The following TECRL variants were observed in gnomAD, a reference collection of about 807,000 sequenced individuals.
The protein encoded by TECRL is trans-2,3-enoyl-CoA reductase-like.
In TECRL, 63 loss-of-function variants were observed where a neutral mutation model predicts 52.8. The ratio of observed to expected loss-of-function variants is 1.19; its 90% CI spans 0.97 to 1.47. The LOEUF (loss-of-function observed/expected upper bound fraction) is 1.47. Among genes scored for constraint, TECRL ranks in the 40% most tolerant of loss-of-function variants. The probability of loss-of-function intolerance (pLI) is 0.00; values close to 1 mark genes in which losing one functional copy is unlikely to be tolerated. For synonymous variants in TECRL, 164 were observed against 141.9 expected, an observed-to-expected ratio of 1.16 and a Z score of -1.10; for missense variants, 482 against 429.6, an observed-to-expected ratio of 1.12 and a Z score of -1.08.
chr4:64,334,043 A>AAAAAAAAAAAAAAAACAAAAAC (rs1560507040), intron 2 of TECRL, among the ~76,000 whole-genome samples: 1 of 143,678 alleles, frequency 7.0e-6, no homozygotes, highest in Non-Finnish European at 1.5e-5. Context: ...AAAAAAAAAA[A>AAAAAAAAAAAAAAAACAAAAAC]AAAAAAGAAA....
At chr4:64,309,146 A>G (rs573623415) in intron 6 of TECRL, among the ~76,000 whole-genome samples, 1 of 152,282 alleles carries the variant, frequency 6.6e-6, no homozygotes, top group African/African-American at 2.4e-5. Context: ...ATTTCAGTTT[A>G]CTGCTTTACT....
At chr4:64,307,219 T>A (rs1280014408) in intron 6 of TECRL, among the ~76,000 whole-genome samples, 1 of 152,130 alleles carries the variant, frequency 6.6e-6, no homozygotes, top group Non-Finnish European at 1.5e-5. Flanking sequence ...ACACCCCCCC[T>A]TCATTAATGT....
intron 5 of TECRL, among the ~76,000 whole-genome samples, chr4:64,312,053 C>CCT (rs1210399827): frequency 6.6e-6 from 1 of 152,078 alleles, no homozygotes; most frequent in Non-Finnish European, 1.5e-5. Flanking sequence ...GGGAGATGTA[C>CCT]CTTTAGTCCC....
intron 1 of TECRL, among the ~76,000 whole-genome samples, chr4:64,398,379 C>T (rs766094403): frequency 4.6e-5 from 7 of 152,122 alleles, no homozygotes; most frequent in African/African-American, 1.2e-4. Flanking sequence ...TCAGATTTCT[C>T]GTGAATGATT....
chr4:64,406,533 A>C (rs1724739832), intron 1 of TECRL, among the ~76,000 whole-genome samples: 1 of 151,960 alleles, frequency 6.6e-6, no homozygotes, highest in African/African-American at 2.4e-5. Context: ...TATTAAAAAT[A>C]AAATAATAAT....
intron 2 of TECRL, among the ~76,000 whole-genome samples, chr4:64,370,989 T>G (rs1478593615): frequency 6.6e-6 from 1 of 151,700 alleles, no homozygotes; most frequent in African/African-American, 2.4e-5. Context: ...TGAACCTCAT[T>G]CAATATTTTC....
At chr4:64,371,092 A>G (rs1015943521) in intron 2 of TECRL, among the ~76,000 whole-genome samples, 3 of 151,726 alleles carry the variant, frequency 2.0e-5, no homozygotes, top group African/African-American at 7.2e-5. Context: ...GTGGTCATCC[A>G]TTATAACTGA....
At chr4:64,299,748 A>G (rs1456125329) in intron 8 of TECRL, among the ~76,000 whole-genome samples, 2 of 150,994 alleles carry the variant, frequency 1.3e-5, no homozygotes, top group Admixed American at 1.3e-4. Flanking sequence ...TATTTCAAAT[A>G]ATTCTAATCA....
intron 1 of TECRL, among the ~76,000 whole-genome samples, chr4:64,400,790 T>A (rs1049804002): frequency 6.6e-6 from 1 of 152,108 alleles, no homozygotes; most frequent in Non-Finnish European, 1.5e-5. Context: ...CTGCAACAAT[T>A]GGAAACTTCC....
rs1724395552 is a variant in TECRL at position 64,307,267 on chromosome 4, A to G, written c.658-2029T>C. ...TTCAATTACTTCAAGGTATTTTCCA[A>G]GTTTCAAGTGGGAAGCTTTGGGTAT... On this transcript the variant is annotated intron_variant, in intron 6 of 11. Coordinates refer to ENST00000381210, the MANE Select transcript of TECRL (RefSeq NM_001010874.5). Among the ~76,000 whole-genome samples, 3 of 152,088 alleles carry G rather than the reference A, an allele frequency of 2.0e-5. 1 individual carries two copies. The highest frequency in any genetic ancestry group is 4.2e-4 in the South Asian group (2 of 4,818).
At chr4:64,354,518 T>G (rs1474486155) in intron 2 of TECRL, among the ~76,000 whole-genome samples, 4 of 152,070 alleles carry the variant, frequency 2.6e-5, no homozygotes, top group African/African-American at 9.7e-5. Context: ...AAGTAGATAA[T>G]CTTAAAGATA....
chr4:64,331,723 T>A (rs1175121625), intron 2 of TECRL, among the ~76,000 whole-genome samples: 2 of 152,124 alleles, frequency 1.3e-5, no homozygotes, highest in Non-Finnish European at 2.9e-5. Context: ...TTGTACCTTA[T>A]GATTAAAATG....
intron 2 of TECRL, among the ~76,000 whole-genome samples, chr4:64,355,609 G>A (rs1488490843): frequency 6.6e-6 from 1 of 151,452 alleles, no homozygotes; most frequent in Non-Finnish European, 1.5e-5. Flanking sequence ...CCATCCTGGC[G>A]AACACAGTGA....
chr4:64,338,231 G>A (rs1445834315), intron 2 of TECRL, among the ~76,000 whole-genome samples: 1 of 152,206 alleles, frequency 6.6e-6, no homozygotes, highest in Non-Finnish European at 1.5e-5. Context: ...CTAGCCATAT[G>A]TAGAAAGCTG....
chr4:64,304,461 A>C (rs1449113425), intron 7 of TECRL, among the ~76,000 whole-genome samples: 2 of 152,068 alleles, frequency 1.3e-5, no homozygotes, highest in Non-Finnish European at 2.9e-5. Flanking sequence ...TAAAGTTTGA[A>C]TATACCATTT....
At chr4:64,294,653 TA>T (rs1382698397) in intron 8 of TECRL, among the ~76,000 whole-genome samples, 1 of 152,144 alleles carries the variant, frequency 6.6e-6, no homozygotes, top group Non-Finnish European at 1.5e-5. Flanking sequence ...ACATATCTTC[TA>T]AAACTGGAAT....
At chr4:64,338,232 T>C (rs2110066797) in intron 2 of TECRL, among the ~76,000 whole-genome samples, 1 of 152,244 alleles carries the variant, frequency 6.6e-6, no homozygotes, top group South Asian at 2.1e-4. Flanking sequence ...TAGCCATATG[T>C]AGAAAGCTGA....
chr4:64,408,223 C>A (rs1177317157), intron 1 of TECRL, among the ~76,000 whole-genome samples: 1 of 151,650 alleles, frequency 6.6e-6, no homozygotes, highest in Non-Finnish European at 1.5e-5. Context: ...TTCTAAAGAC[C>A]TAGCTAGAAC....
rs1719926908 is a variant in TECRL, at chr4:64,345,907, C to CAAAAAAAAAAAAAAAAT, written c.287-17352_287-17351insATTTTTTTTTTTTTTTT. On this transcript the variant is annotated intron_variant, in intron 2 of 11. Transcript: ENST00000381210. ...CCAACACTGATGGGTGCCTCAACAGCAAAAAAAAAAAAAAAAAAAAAAAAC... is the reference window on the plus strand; with the variant it reads ...CCAACACTGATGGGTGCCTCAACAGCAAAAAAAAAAAAAAAATAAAAAAAAAAAAAAAAAAAAAAAAC... Among the ~76,000 whole-genome samples the CAAAAAAAAAAAAAAAAT allele has an allele frequency of 8.6e-5, 2 of 23,350 alleles. 1 individual carries two copies. The highest frequency in any genetic ancestry group is 3.7e-4 in the African/African-American group (2 of 5,346). 15.3% of individuals were successfully genotyped at this position (23,350 alleles called of 152,430 possible). A position where few individuals can be genotyped will look rare whatever the true frequency, so the allele number is the denominator to read the frequency against.
Sources: gnomAD v4.1 joint callset for allele counts (sites outside exome capture counted in the v4.1 genomes callset) on GRCh38, gnomAD v4.1.1 for gene constraint, MANE v1.5 for transcripts, NCBI Gene and HGNC (gene_info 2026-07-23, HGNC 2026-07-21) for gene names.